Variants in PLPP4 observed in about 807,000 individuals in gnomAD.
The protein encoded by PLPP4 is phospholipid phosphatase 4.
Under a neutral mutation model 32.2 loss-of-function variants are expected in PLPP4, and 20 were observed. That is an observed-to-expected ratio of 0.62 (90% confidence interval 0.44 to 0.90). The LOEUF (loss-of-function observed/expected upper bound fraction) is 0.90. Ranked by LOEUF, PLPP4 falls within the 40% of genes least tolerant of loss-of-function variation. The pLI is 0.00. For synonymous variants in PLPP4, 127 were observed against 133.0 expected, an observed-to-expected ratio of 0.95 and a Z score of 0.31; for missense variants, 257 against 353.1, an observed-to-expected ratio of 0.73 and a Z score of 2.18.
intron 5 of PLPP4, among the ~76,000 whole-genome samples, chr10:120,556,333 G>C (rs746947419): frequency 1.7e-4 from 26 of 152,100 alleles, no homozygotes; most frequent in Non-Finnish European, 1.0e-4. Context: ...GGCTTACATT[G>C]TTCTTGATTT....
At chr10:120,466,668 AG>A (rs1248789123) in intron 1 of PLPP4, among the ~76,000 whole-genome samples, 1 of 152,138 alleles carries the variant, frequency 6.6e-6, no homozygotes, top group Non-Finnish European at 1.5e-5. Flanking sequence ...CCAGTTTTAT[AG>A]GTCAAAACAC....
intron 5 of PLPP4, among the ~76,000 whole-genome samples, chr10:120,522,672 CGT>C (rs1846205605): frequency 6.6e-6 from 1 of 152,118 alleles, no homozygotes; most frequent in South Asian, 2.1e-4. Context: ...GCCCCTGGAA[CGT>C]GTGAGTGTGA....
upstream of PLPP4, chr10:120,457,172 G>A: frequency 2.1e-6 from 1 of 484,836 alleles, no homozygotes; most frequent in Non-Finnish European, 3.0e-6. Context: ...CCCGCCCGGC[G>A]CCCGCCTCCG....
At chr10:120,556,215 C>G (rs1167170038) in intron 5 of PLPP4, among the ~76,000 whole-genome samples, 2 of 152,176 alleles carry the variant, frequency 1.3e-5, no homozygotes, top group Non-Finnish European at 2.9e-5. Context: ...TCACGTGTTG[C>G]AAAGACTCCT....
At position 120,589,453 on chromosome 10, in the gene PLPP4, A is replaced by G; in HGVS notation, c.767A>G (p.Asp256Gly). The change falls in exon 7 of 7, where the codon GAC becomes GGC. Residue 256 changes from aspartate to glycine, a missense_variant. By Grantham distance (94) the Asp-to-Gly change is moderately conservative. Coordinates refer to ENST00000398250, the MANE Select transcript of PLPP4 (RefSeq NM_001030059.3). ...SLKKEERPTA[D>G]SAPSLPLEGI... The stretch of plus-strand genomic sequence containing the variant: ...AAGAAAGAGGAGAGGCCCACAGCTG[A>G]CAGCGCACCCAGCTTGCCTCTGGAG... The G allele has an allele frequency of 6.2e-7, 1 of 1,614,108 alleles. No homozygotes were observed. Among genetic ancestry groups the G allele is most frequent in the South Asian group, 1.1e-5 (1 of 91,070 alleles).
chr10:120,511,129 G>C (rs181282056), intron 2 of PLPP4, among the ~76,000 whole-genome samples: 1 of 152,358 alleles, frequency 6.6e-6, no homozygotes, highest in East Asian at 1.9e-4. Context: ...TGCAGCATGA[G>C]TTAAATTAAG....
intron 1 of PLPP4, among the ~76,000 whole-genome samples, chr10:120,463,019 C>CTT (rs71019771): frequency 3.3e-3 from 292 of 88,512 alleles, no homozygotes; most frequent in South Asian, 3.7e-3. Context: ...AAGTTTCTTT[C>CTT]TTTTTTTTTT....
intron 1 of PLPP4, among the ~76,000 whole-genome samples, chr10:120,492,980 G>A (rs930071235): frequency 6.6e-6 from 1 of 152,140 alleles, no homozygotes; most frequent in Non-Finnish European, 1.5e-5. Context: ...CCCCCTAAAT[G>A]TTTCAGCTGC....
At chr10:120,568,909 G>A (rs904017469) in intron 5 of PLPP4, among the ~76,000 whole-genome samples, 1 of 152,126 alleles carries the variant, frequency 6.6e-6, no homozygotes, top group African/African-American at 2.4e-5. Flanking sequence ...GTGTGGGGTG[G>A]ACAGTGGAGC....
At chr10:120,505,794 A>G (rs1845463309) in intron 2 of PLPP4, among the ~76,000 whole-genome samples, 2 of 152,234 alleles carry the variant, frequency 1.3e-5, no homozygotes, top group South Asian at 4.1e-4. Flanking sequence ...TGTAACTCAA[A>G]TATTCTATAA....
At chr10:120,531,062 A>G (rs1846687284) in intron 5 of PLPP4, among the ~76,000 whole-genome samples, 1 of 151,546 alleles carries the variant, frequency 6.6e-6, no homozygotes. Context: ...GAAAGAAAGA[A>G]GAAGAAATGT....
intron 5 of PLPP4, among the ~76,000 whole-genome samples, chr10:120,574,679 A>G (rs936676337): frequency 1.3e-5 from 2 of 152,298 alleles, no homozygotes; most frequent in South Asian, 4.1e-4. Flanking sequence ...TGCCCTTCAG[A>G]TCTAAGCAGT....
In PLPP4 at chr10:120,457,242, C is replaced by A; in HGVS notation, c.-64C>A. 2 of 1,348,616 alleles carry A rather than the reference C, an allele frequency of 1.5e-6. No individual in the cohort carries two copies. Among genetic ancestry groups the A allele is most frequent in the Non-Finnish European group, 1.9e-6 (2 of 1,025,892 alleles). The allele number at this position is 1,348,616 out of a possible 1,614,324, so 83.5% of individuals were successfully genotyped here. On this transcript the variant is annotated 5_prime_UTR_variant, in exon 1 of 7. Coordinates refer to ENST00000398250, the MANE Select transcript of PLPP4 (RefSeq NM_001030059.3). ...CTCCCAGGGTCTGGCGAGCCGGCGCCGGCCGAGCTGCGGGAGCCGCGGAGA... is the reference window on the plus strand; with the variant it reads ...CTCCCAGGGTCTGGCGAGCCGGCGCAGGCCGAGCTGCGGGAGCCGCGGAGA...
At chr10:120,545,298 A>C (rs978947488) in intron 5 of PLPP4, among the ~76,000 whole-genome samples, 1 of 152,190 alleles carries the variant, frequency 6.6e-6, no homozygotes, top group Non-Finnish European at 1.5e-5. Flanking sequence ...ATAGGATAAG[A>C]ATGATTTTTG....
intron 5 of PLPP4, among the ~76,000 whole-genome samples, chr10:120,545,995 T>C (rs1345071741): frequency 6.6e-6 from 1 of 152,186 alleles, no homozygotes; most frequent in Non-Finnish European, 1.5e-5. Context: ...CTTCCTGCCC[T>C]TGAACATTGG....
chr10:120,520,028 C>A (rs988407087), intron 4 of PLPP4, among the ~76,000 whole-genome samples: 2 of 152,182 alleles, frequency 1.3e-5, no homozygotes, highest in African/African-American at 4.8e-5. Flanking sequence ...CATTTTTGCA[C>A]CTGTAAAATA....
At chr10:120,531,682 ACTTTC>A (rs1846729799) in intron 5 of PLPP4, among the ~76,000 whole-genome samples, 1 of 152,058 alleles carries the variant, frequency 6.6e-6, no homozygotes, top group South Asian at 2.1e-4. Flanking sequence ...TGTTGAGATG[ACTTTC>A]CTTTCACTAT....
intron 2 of PLPP4, among the ~76,000 whole-genome samples, chr10:120,507,013 G>A (rs139286114): frequency 6.6e-5 from 10 of 152,336 alleles, no homozygotes; most frequent in East Asian, 3.9e-4. Flanking sequence ...AAGAGGTACC[G>A]GTTTCCTGCT....
At chr10:120,475,912 C>T (rs886149400) in intron 1 of PLPP4, among the ~76,000 whole-genome samples, 1 of 11,800 alleles carries the variant, frequency 8.5e-5, no homozygotes, top group African/African-American at 1.0e-4. Context: ...CGGGGGGCAC[C>T]AGTGTCCACT....
Sources: gnomAD v4.1 joint callset for allele counts (sites outside exome capture counted in the v4.1 genomes callset) on GRCh38, gnomAD v4.1.1 for gene constraint, MANE v1.5 for transcripts, NCBI Gene and HGNC (gene_info 2026-07-23, HGNC 2026-07-21) for gene names.